The following SGMS1 variants were observed in gnomAD, a reference collection of about 807,000 sequenced individuals.
The protein encoded by SGMS1 is sphingomyelin synthase 1.
A neutral mutation model predicts 46.2 loss-of-function variants in SGMS1; 13 were observed. That is an observed-to-expected ratio of 0.28 (90% CI 0.18 to 0.45). The LOEUF (loss-of-function observed/expected upper bound fraction) is 0.45. Ranked by LOEUF, SGMS1 falls within the 20% of genes least tolerant of loss-of-function variation. SGMS1 has a pLI of 1.00. For missense variants in SGMS1, 324 were observed against 519.9 expected, an observed-to-expected ratio of 0.62 and a Z score of 3.66; for synonymous variants, 203 against 187.8, an observed-to-expected ratio of 1.08 and a Z score of -0.66.
At chr10:50,424,986 ACTAATCAT>A (rs1175738789) in intron 6 of SGMS1, among the ~76,000 whole-genome samples, 9 of 152,250 alleles carry the variant, frequency 5.9e-5, no homozygotes, top group Admixed American at 1.3e-4. Context: ...ATCAGCCATC[ACTAATCAT>A]CAGAGAAATA....
At chr10:50,529,575 T>G (rs1388196890) in intron 2 of SGMS1, among the ~76,000 whole-genome samples, 1 of 152,248 alleles carries the variant, frequency 6.6e-6, no homozygotes, top group African/African-American at 2.4e-5. Context: ...GAACTTTTTT[T>G]GAATGAGTAC....
At chr10:50,419,433 C>CTT (rs1849224958) in intron 6 of SGMS1, among the ~76,000 whole-genome samples, 1 of 152,190 alleles carries the variant, frequency 6.6e-6, no homozygotes, top group African/African-American at 2.4e-5. Context: ...ACTTAAGAAG[C>CTT]TTTAGGTTCA....
rs1208105847 is a variant in SGMS1, at chr10:50,344,096, A to C, written c.19T>G (p.Trp7Gly). 1 of 1,610,042 alleles carries C rather than the reference A, an allele frequency of 6.2e-7. No homozygotes were observed. The highest frequency in any genetic ancestry group is 1.3e-5 in the African/African-American group (1 of 74,694). ...CAGTCTGCCACCTTCTTGGGTGACC[A>C]ATAAACCACTTCCTTCATTGTACTG... MKEVVY[W>G]SPKKVADWLL... Residue 7 changes from tryptophan to glycine, a missense_variant, in exon 7 of 11, where the codon TGG (tryptophan) becomes GGG (glycine). This residue lies in a region of SGMS1 where 150 missense variants were observed against 169.8 expected (regional missense o/e 0.88). Coordinates refer to ENST00000361781, the MANE Select transcript of SGMS1 (RefSeq NM_147156.4).
At chr10:50,476,333 G>A (rs1262332544) in intron 3 of SGMS1, among the ~76,000 whole-genome samples, 2 of 133,762 alleles carry the variant, frequency 1.5e-5, no homozygotes, top group Non-Finnish European at 3.2e-5. Flanking sequence ...GGAGGGGAGG[G>A]GAGGGAAGGG....
At chr10:50,621,614 A>G (rs1838850639) in intron 1 of SGMS1, among the ~76,000 whole-genome samples, 1 of 152,238 alleles carries the variant, frequency 6.6e-6, no homozygotes, top group South Asian at 2.1e-4. Flanking sequence ...TGAGTAAGAT[A>G]CTGGTTTAAT....
intron 2 of SGMS1, among the ~76,000 whole-genome samples, chr10:50,524,331 G>A (rs945843222): frequency 6.6e-6 from 1 of 152,140 alleles, no homozygotes; most frequent in Non-Finnish European, 1.5e-5. Context: ...GAGCCTCTGG[G>A]CTTGATAAAA....
intron 3 of SGMS1, among the ~76,000 whole-genome samples, chr10:50,491,225 G>A (rs888106415): frequency 1.9e-4 from 29 of 152,128 alleles, no homozygotes; most frequent in African/African-American, 6.7e-4. Flanking sequence ...ATGGCAGTAC[G>A]GGCCTATAGT....
intron 6 of SGMS1, among the ~76,000 whole-genome samples, chr10:50,377,268 G>A (rs895039345): frequency 6.6e-6 from 1 of 152,144 alleles, no homozygotes; most frequent in Non-Finnish European, 1.5e-5. Context: ...AGCCAAACTG[G>A]CTTTTATAAC....
At chr10:50,438,961 G>A (rs983698402) in intron 5 of SGMS1, among the ~76,000 whole-genome samples, 12 of 152,180 alleles carry the variant, frequency 7.9e-5, no homozygotes, top group Non-Finnish European at 1.3e-4. Context: ...AACATGACAC[G>A]TTTAGAACAG....
intron 1 of SGMS1, among the ~76,000 whole-genome samples, chr10:50,596,023 C>T (rs1281735146): frequency 6.6e-6 from 1 of 152,128 alleles, no homozygotes; most frequent in Non-Finnish European, 1.5e-5. Context: ...GTATGCTTGG[C>T]AATGGCAAGA....
At chr10:50,524,363 C>T (rs1837881795) in intron 2 of SGMS1, among the ~76,000 whole-genome samples, 1 of 152,114 alleles carries the variant, frequency 6.6e-6, no homozygotes, top group Non-Finnish European at 1.5e-5. Flanking sequence ...TGAACTGCTC[C>T]CAGTCCCCCT....
At chr10:50,309,475 T>C (rs576518794) in intron 9 of SGMS1, among the ~76,000 whole-genome samples, 3 of 152,296 alleles carry the variant, frequency 2.0e-5, no homozygotes, top group South Asian at 4.1e-4. Flanking sequence ...ATATGACACA[T>C]TGCCTTATTG....
intron 6 of SGMS1, among the ~76,000 whole-genome samples, chr10:50,396,917 C>T (rs4312019): frequency 1.2e-4 from 18 of 151,962 alleles, no homozygotes; most frequent in Non-Finnish European, 2.2e-4. Context: ...TGTGGTGAAC[C>T]GGCGGTGTTA....
At chr10:50,392,016 C>A (rs1848776349) in intron 6 of SGMS1, among the ~76,000 whole-genome samples, 1 of 151,912 alleles carries the variant, frequency 6.6e-6, no homozygotes, top group South Asian at 2.1e-4. Flanking sequence ...GAACAACAGA[C>A]ACCAGGGCCT....
At chr10:50,369,210 A>C (rs1372020656) in intron 6 of SGMS1, among the ~76,000 whole-genome samples, 1 of 152,272 alleles carries the variant, frequency 6.6e-6, no homozygotes, top group Non-Finnish European at 1.5e-5. Context: ...TTACACAAAG[A>C]TTACAGGTCA....
intron 5 of SGMS1, among the ~76,000 whole-genome samples, chr10:50,437,585 A>C (rs1849491470): frequency 6.6e-6 from 1 of 152,228 alleles, no homozygotes; most frequent in Non-Finnish European, 1.5e-5. Flanking sequence ...GCAGGCCATA[A>C]AAAAGCAAGA....
rs996313469 is a variant in SGMS1, at chr10:50,542,517, A to G, written c.-588-22596T>C. 4.6e-5 allele frequency among the ~76,000 whole-genome samples: 7 copies of G among 151,974 alleles called. No homozygotes were observed. The South Asian group carries it at 1.2e-3, about 27-fold the overall frequency. On this transcript the variant is annotated intron_variant, in intron 2 of 10. Coordinates refer to ENST00000361781, the MANE Select transcript of SGMS1 (RefSeq NM_147156.4). ...AATATGTATATTTGCTCTTAAAAAA[A>G]AGTGGTTAAGAGAGAATTTATGAAT...
chr10:50,495,810 A>G (rs1232359588), intron 3 of SGMS1, among the ~76,000 whole-genome samples: 1 of 152,056 alleles, frequency 6.6e-6, no homozygotes, highest in Non-Finnish European at 1.5e-5. Flanking sequence ...CATATCATAC[A>G]CAGAACATGT....
At chr10:50,590,578 T>A (rs1048256899) in intron 1 of SGMS1, 1 of 152,190 alleles carries the variant, frequency 6.6e-6, no homozygotes, top group African/African-American at 2.4e-5. Flanking sequence ...TGGTTTTATA[T>A]ATGTATACAT....
Sources: gnomAD v4.1 joint callset for allele counts (sites outside exome capture counted in the v4.1 genomes callset) on GRCh38, gnomAD v4.1.1 for gene constraint, gnomAD v4.1.1 regional missense constraint, MANE v1.5 for transcripts, NCBI Gene and HGNC (gene_info 2026-07-23, HGNC 2026-07-21) for gene names.